The following INVS variants were observed in gnomAD, a reference collection of about 807,000 sequenced individuals.
INVS encodes the protein inversion of embryo turning homolog.
INVS carries 86 observed loss-of-function variants against 108.8 expected under a neutral mutation model. The observed-to-expected ratio is 0.79, with a 90% CI of 0.66 to 0.95. INVS has a LOEUF of 0.95. Among genes scored for constraint, INVS ranks in the 40% least tolerant of loss-of-function variants. The pLI is 0.00. For missense variants in INVS, 1,169 were observed against 1,297.4 expected (o/e 0.90, Z 1.52); for synonymous variants, 455 against 473.5 (o/e 0.96, Z 0.51).
intron 10 of INVS, among the ~76,000 whole-genome samples, chr9:100,263,701 G>A (rs146819834): frequency 2.6e-5 from 4 of 152,264 alleles, no homozygotes; most frequent in African/African-American, 9.6e-5. Context: ...CAGGTACCAG[G>A]CACTAGGATA....
chr9:100,155,959 T>C (rs1246746308), intron 3 of INVS, among the ~76,000 whole-genome samples: 1 of 152,218 alleles, frequency 6.6e-6, no homozygotes, highest in African/African-American at 2.4e-5. Context: ...CTAGAAGTAA[T>C]GACTAACCCC....
In INVS at chr9:100,271,648, C is replaced by T. The variant is rs137954554; in HGVS notation, c.1572-1216C>T. On this transcript the variant is annotated intron_variant, in intron 11 of 16. Coordinates refer to ENST00000262457, the MANE Select transcript of INVS (RefSeq NM_014425.5). ...CCTTGCTAGTGCAGTGTGTTACTAA[C>T]TTTTCTGATTTTTGCAAATCTGATC... Among the ~76,000 whole-genome samples, 646 of 152,302 alleles carry T rather than the reference C, an allele frequency of 4.2e-3. 4 individuals carry two copies. Among genetic ancestry groups the T allele is most frequent in the Non-Finnish European group, 7.2e-3 (491 of 68,030 alleles).
At chr9:100,150,663 A>G (rs1036124844) in intron 3 of INVS, among the ~76,000 whole-genome samples, 10 of 152,096 alleles carry the variant, frequency 6.6e-5, no homozygotes, top group African/African-American at 1.9e-4. Context: ...TGTTTATGTA[A>G]TTTCCTCTTC....
At chr9:100,297,447 G>C (rs1833822774) in intron 15 of INVS, among the ~76,000 whole-genome samples, 1 of 152,062 alleles carries the variant, frequency 6.6e-6, no homozygotes, top group Non-Finnish European at 1.5e-5. Flanking sequence ...AACCTCTCCA[G>C]ACCCCTGCTT....
At chr9:100,196,454 G>A (rs7020780) in intron 3 of INVS, among the ~76,000 whole-genome samples, 26,437 of 151,864 alleles carry the variant, frequency 0.17, 3,385 homozygotes, top group African/African-American at 0.37. Flanking sequence ...GGCTTGCTTC[G>A]GAAACTGTTT....
chr9:100,131,485 A>C (rs1186059820), intron 3 of INVS, among the ~76,000 whole-genome samples: 1 of 152,156 alleles, frequency 6.6e-6, no homozygotes, highest in Non-Finnish European at 1.5e-5. Flanking sequence ...GAACATCTGC[A>C]CCTAATTTGT....
At chr9:100,202,103 T>TA (rs1387876576) in intron 3 of INVS, among the ~76,000 whole-genome samples, 1 of 151,918 alleles carries the variant, frequency 6.6e-6, no homozygotes, top group Non-Finnish European at 1.5e-5. Context: ...TTTTTTTTTT[T>TA]TTATTTTGAC....
chr9:100,206,576 C>T (rs959880451), intron 3 of INVS, among the ~76,000 whole-genome samples: 2 of 152,038 alleles, frequency 1.3e-5, no homozygotes, highest in African/African-American at 4.8e-5. Flanking sequence ...GTGTGATACT[C>T]CTTTGCCCCT....
intron 3 of INVS, among the ~76,000 whole-genome samples, chr9:100,131,165 A>G (rs1381436614): frequency 6.6e-6 from 1 of 152,008 alleles, no homozygotes; most frequent in African/African-American, 2.4e-5. Flanking sequence ...ACTAGGCTGG[A>G]GCTCCAGGCA....
chr9:100,118,094 G>T (rs1827605529), intron 2 of INVS, among the ~76,000 whole-genome samples: 1 of 149,586 alleles, frequency 6.7e-6, no homozygotes, highest in East Asian at 1.9e-4. Context: ...TAGATATGGG[G>T]TCTTGCTATG....
intron 13 of INVS, among the ~76,000 whole-genome samples, chr9:100,288,209 G>A (rs759306513): frequency 6.6e-6 from 1 of 152,082 alleles, no homozygotes; most frequent in Admixed American, 6.6e-5. Context: ...CATGTCTCTT[G>A]GCTCTGCTAC....
intron 3 of INVS, among the ~76,000 whole-genome samples, chr9:100,133,197 T>G (rs995699869): frequency 1.3e-5 from 2 of 152,230 alleles, no homozygotes; most frequent in Non-Finnish European, 2.9e-5. Flanking sequence ...TTTCTTATTT[T>G]TGCTTCAGAA....
At chr9:100,172,735 G>A (rs1328122330) in intron 3 of INVS, among the ~76,000 whole-genome samples, 1 of 152,332 alleles carries the variant, frequency 6.6e-6, no homozygotes, top group South Asian at 2.1e-4. Context: ...GATAATACTT[G>A]TGAGTCCACT....
At chr9:100,218,370 G>T (rs762901554) in intron 3 of INVS, among the ~76,000 whole-genome samples, 3 of 152,186 alleles carry the variant, frequency 2.0e-5, no homozygotes, top group Non-Finnish European at 4.4e-5. Flanking sequence ...CAGTACTCCA[G>T]TGGGGAGAAG....
At chr9:100,210,042 C>A (rs1370398018) in intron 3 of INVS, among the ~76,000 whole-genome samples, 3 of 152,144 alleles carry the variant, frequency 2.0e-5, no homozygotes, top group Non-Finnish European at 4.4e-5. Context: ...CATATACTTT[C>A]AACATGCAGC....
At chr9:100,288,560 G>A (rs572950100) in intron 13 of INVS, among the ~76,000 whole-genome samples, 1 of 152,032 alleles carries the variant, frequency 6.6e-6, no homozygotes, top group African/African-American at 2.4e-5. Flanking sequence ...TTGTCGAGCT[G>A]AGAGGGCCTA....
intron 2 of INVS, 111 bp from the exon 3 acceptor site, chr9:100,126,272 G>T: frequency 1.2e-6 from 1 of 847,354 alleles, no homozygotes; most frequent in South Asian, 1.5e-5. Flanking sequence ...AAAATAAGAT[G>T]ATATACTTAA....
intron 2 of INVS, among the ~76,000 whole-genome samples, chr9:100,107,210 A>C (rs1827208631): frequency 2.0e-5 from 3 of 152,200 alleles, no homozygotes; most frequent in Admixed American, 2.0e-4. Flanking sequence ...TAACCCCAGA[A>C]GCCCCTAATG....
intron 7 of INVS, among the ~76,000 whole-genome samples, chr9:100,245,208 A>T (rs10819748): frequency 0.17 from 26,132 of 152,152 alleles, 3,355 homozygotes; most frequent in African/African-American, 0.37. Context: ...ATGCTGGAAT[A>T]TTAACCCCCA....
Sources: gnomAD v4.1 joint callset for allele counts (sites outside exome capture counted in the v4.1 genomes callset) on GRCh38, gnomAD v4.1.1 for gene constraint, MANE v1.5 for transcripts, NCBI Gene and HGNC (gene_info 2026-07-23, HGNC 2026-07-21) for gene names.